BMPR1B: variants seen among roughly 807,000 people sequenced by gnomAD.
BMPR1B encodes bone morphogenetic protein receptor type 1B, also known as bone morphogenetic protein receptor type-1B.
BMPR1B carries 12 observed loss-of-function variants against 59.1 expected under a neutral mutation model. The ratio of observed to expected loss-of-function variants is 0.20; its 90% CI spans 0.13 to 0.33. The LOEUF (loss-of-function observed/expected upper bound fraction) is 0.33. Ranked by LOEUF, BMPR1B falls within the 10% of genes least tolerant of loss-of-function variation. BMPR1B has a pLI of 1.00. For synonymous variants in BMPR1B, 237 were observed against 207.3 expected (o/e 1.14, Z -1.23); for missense variants, 550 against 610.9 (o/e 0.90, Z 1.05).
intron 3 of BMPR1B, among the ~76,000 whole-genome samples, chr4:95,043,621 G>C (rs571890233): frequency 6.6e-6 from 1 of 152,260 alleles, no homozygotes; most frequent in East Asian, 1.9e-4. Context: ...GTAGATTTAA[G>C]GTATCATTCT....
rs540126010 is a variant in BMPR1B at position 94,852,125 on chromosome 4, C to G, written c.-182-23706C>G. Among the ~76,000 whole-genome samples the G allele has an allele frequency of 3.3e-5, 5 of 152,206 alleles. No individual in the cohort carries two copies. The South Asian group carries it at 1.0e-3, about 32-fold the overall frequency. On this transcript the variant is annotated intron_variant, in intron 1 of 12. Coordinates refer to ENST00000515059, the MANE Select transcript of BMPR1B (RefSeq NM_001203.3). ...TTGCAGTTATTATTTCTTACAAATA[C>G]AAAATGAGTGTAGTTACTACAAGTG...
At chr4:94,985,521 G>C (rs1159067316) in intron 2 of BMPR1B, among the ~76,000 whole-genome samples, 1 of 40,890 alleles carries the variant, frequency 2.4e-5, no homozygotes. Flanking sequence ...GTGTGTGTGT[G>C]TGTGTGTGTG....
intron 1 of BMPR1B, among the ~76,000 whole-genome samples, chr4:94,765,518 C>T (rs1488466376): frequency 3.3e-5 from 5 of 152,126 alleles, no homozygotes. Flanking sequence ...CACACAAAAA[C>T]CTCTAGAAAT....
intron 6 of BMPR1B, among the ~76,000 whole-genome samples, chr4:95,120,539 A>C (rs553774443): frequency 4.6e-5 from 7 of 152,256 alleles, no homozygotes; most frequent in African/African-American, 1.7e-4. Flanking sequence ...AGACTACTAG[A>C]ACTGATAAAC....
At chr4:95,099,662 GATTT>G (rs1730683022) in intron 3 of BMPR1B, among the ~76,000 whole-genome samples, 1 of 152,274 alleles carries the variant, frequency 6.6e-6, no homozygotes, top group South Asian at 2.1e-4. Context: ...AGTTGAAAGA[GATTT>G]ATTTATTATT....
At position 94,910,054 on chromosome 4, in the gene BMPR1B, CA is replaced by C. The variant is rs199899636; in HGVS notation, c.-113+34163del. Among the ~76,000 whole-genome samples, 1,269 of 149,426 alleles carry C rather than the reference CA, an allele frequency of 8.5e-3. 16 individuals are homozygous for C. Among genetic ancestry groups the C allele is most frequent in the African/African-American group, 0.024 (996 of 40,754 alleles). The stretch of plus-strand genomic sequence containing the variant: ...AGCGAGACTCCGTCTCCAAAAAAAA[CA>C]AAAAAAAAGAGCCTTTAAAAGACAT... On this transcript the variant is annotated intron_variant, in intron 2 of 12. Coordinates refer to ENST00000515059, the MANE Select transcript of BMPR1B (RefSeq NM_001203.3).
intron 3 of BMPR1B, among the ~76,000 whole-genome samples, chr4:94,997,186 G>A (rs1464968026): frequency 6.6e-6 from 1 of 152,184 alleles, no homozygotes; most frequent in Non-Finnish European, 1.5e-5. Flanking sequence ...ATGATATTTA[G>A]AACTGTTAAG....
chr4:95,121,425 A>G (rs1164390024), intron 6 of BMPR1B, among the ~76,000 whole-genome samples: 1 of 152,230 alleles, frequency 6.6e-6, no homozygotes, highest in African/African-American at 2.4e-5. Context: ...CCCTTTGAGC[A>G]CATTATTGTT....
intron 3 of BMPR1B, among the ~76,000 whole-genome samples, chr4:95,101,692 CAAAAT>C (rs1730831721): frequency 6.6e-6 from 1 of 152,020 alleles, no homozygotes; most frequent in Non-Finnish European, 1.5e-5. Flanking sequence ...TTAGATTATT[CAAAAT>C]TTATACAAGA....
chr4:95,149,542 C>T (rs1734885367), intron 11 of BMPR1B, among the ~76,000 whole-genome samples: 2 of 152,158 alleles, frequency 1.3e-5, no homozygotes, highest in African/African-American at 2.4e-5. Context: ...TTTAAATATT[C>T]AGAAGTATTA....
intron 1 of BMPR1B, among the ~76,000 whole-genome samples, chr4:94,789,639 A>G (rs554194430): frequency 3.3e-5 from 5 of 152,344 alleles, no homozygotes; most frequent in East Asian, 1.9e-4. Context: ...GCAAAAAACC[A>G]TAAAGCAAGA....
At chr4:94,876,958 AT>A (rs1430219996) in intron 2 of BMPR1B, among the ~76,000 whole-genome samples, 2 of 152,212 alleles carry the variant, frequency 1.3e-5, no homozygotes, top group African/African-American at 4.8e-5. Flanking sequence ...AAATAACCAT[AT>A]TAAAAGATGG....
intron 4 of BMPR1B, among the ~76,000 whole-genome samples, chr4:95,109,565 C>G (rs1185932039): frequency 6.6e-6 from 1 of 151,962 alleles, no homozygotes; most frequent in Admixed American, 6.6e-5. Flanking sequence ...TATAAACCAT[C>G]CAGGGTTTTA....
At chr4:94,856,287 T>C (rs1725752730) in intron 1 of BMPR1B, among the ~76,000 whole-genome samples, 1 of 152,204 alleles carries the variant, frequency 6.6e-6, no homozygotes, top group Non-Finnish European at 1.5e-5. Context: ...GCCGTTTTTC[T>C]GAGGATGCTG....
chr4:95,136,216 G>C (rs1733772407), intron 10 of BMPR1B, among the ~76,000 whole-genome samples: 1 of 152,126 alleles, frequency 6.6e-6, no homozygotes, highest in African/African-American at 2.4e-5. Context: ...TATGTTCATT[G>C]ATTTGTGTAT....
chr4:94,887,534 A>T (rs1727230718), intron 2 of BMPR1B, among the ~76,000 whole-genome samples: 2 of 151,836 alleles, frequency 1.3e-5, no homozygotes, highest in South Asian at 4.1e-4. Context: ...AAACAAATAG[A>T]AAAAGCAGGG....
At chr4:94,890,849 A>G (rs997003600) in intron 2 of BMPR1B, among the ~76,000 whole-genome samples, 1 of 151,930 alleles carries the variant, frequency 6.6e-6, no homozygotes, top group African/African-American at 2.4e-5. Flanking sequence ...CAAAGGCTCC[A>G]TTTCTGAGTA....
At chr4:95,020,761 G>A (rs1202331400) in intron 3 of BMPR1B, among the ~76,000 whole-genome samples, 3 of 152,104 alleles carry the variant, frequency 2.0e-5, no homozygotes, top group East Asian at 1.9e-4. Flanking sequence ...TGGCACGATC[G>A]TTACTCACTG....
At chr4:94,907,744 TATTA>T (rs1465470411) in intron 2 of BMPR1B, among the ~76,000 whole-genome samples, 2 of 151,994 alleles carry the variant, frequency 1.3e-5, no homozygotes, top group African/African-American at 2.4e-5. Context: ...GTCATTAATC[TATTA>T]ATTCATTCAG....
Sources: gnomAD v4.1 joint callset for allele counts (sites outside exome capture counted in the v4.1 genomes callset) on GRCh38, gnomAD v4.1.1 for gene constraint, MANE v1.5 for transcripts, NCBI Gene and HGNC (gene_info 2026-07-23, HGNC 2026-07-21) for gene names.